DYNC2H1: variants seen among roughly 807,000 people sequenced by gnomAD.
DYNC2H1 encodes dynein cytoplasmic 2 heavy chain 1, also known as cytoplasmic dynein 2 heavy chain 1.
Under a neutral mutation model 570.0 loss-of-function variants are expected in DYNC2H1, and 410 were observed. That is an observed-to-expected ratio of 0.72 (90% CI 0.66 to 0.78). The LOEUF (loss-of-function observed/expected upper bound fraction) is 0.78, where lower values mean the gene tolerates loss of function less well. DYNC2H1 is among the 30% of genes least tolerant of loss of function. DYNC2H1 has a pLI of 0.00. For missense variants in DYNC2H1, 4,865 were observed against 5,046.4 expected, an observed-to-expected ratio of 0.96 and a Z score of 1.09; for synonymous variants, 1,688 against 1,677.6, an observed-to-expected ratio of 1.01 and a Z score of -0.15.
intron 83 of DYNC2H1, among the ~76,000 whole-genome samples, chr11:103,389,080 C>T (rs2135599850): frequency 6.6e-6 from 1 of 152,274 alleles, no homozygotes; most frequent in Middle Eastern, 3.4e-3. Flanking sequence ...AGGAATGGTA[C>T]CAGCTCCTCC....
chr11:103,125,165 C>G lies in DYNC2H1; in HGVS notation c.1727C>G (p.Ser576Ter). 1.2e-6 allele frequency: 2 copies of G among 1,613,586 alleles called. No individual in the cohort carries two copies. The highest frequency in any genetic ancestry group is 1.7e-6 in the Non-Finnish European group (2 of 1,179,738). Residue 576 changes from serine (S) to a stop codon, truncating the protein, a stop_gained, in exon 12 of 89, where the codon TCA (serine) becomes TGA (stop). Coordinates refer to ENST00000375735, the MANE Select transcript of DYNC2H1 (RefSeq NM_001377.3). LOFTEE classifies it high-confidence loss of function. ...GATGGATTACTAAAAGTGCATTATTCAGATCGTTTGGTGATTCTTCTGAGA... is the reference window on the plus strand; with the variant it reads ...GATGGATTACTAAAAGTGCATTATTGAGATCGTTTGGTGATTCTTCTGAGA... The part of the protein sequence containing the change: ...SNDGLLKVHY[S>*]DRLVILLREV...
intron 84 of DYNC2H1, among the ~76,000 whole-genome samples, chr11:103,422,957 G>A (rs1357080631): frequency 2.1e-5 from 3 of 142,062 alleles, no homozygotes; most frequent in African/African-American, 8.2e-5. Context: ...CAACCCAAAA[G>A]CTAGGAATAC....
chr11:103,243,853 G>T lies in DYNC2H1; in HGVS notation c.9918+62G>T. 7.6e-7 allele frequency: 1 copy of T among 1,308,886 alleles called. No homozygotes were observed. Among genetic ancestry groups the T allele is most frequent in the South Asian group, 1.5e-5 (1 of 68,728 alleles). The allele number at this position is 1,308,886 out of a possible 1,614,324, so 81.1% of individuals were successfully genotyped here. A position where few individuals can be genotyped will look rare whatever the true frequency, so the allele number is the denominator to read the frequency against. On this transcript the variant is annotated intron_variant, in intron 64 of 88. Coordinates refer to ENST00000375735, the MANE Select transcript of DYNC2H1 (RefSeq NM_001377.3). This position sits in a 1 kb window ranked among gnomAD's most constrained non-coding sequence, Gnocchi z 4.8. ...TGACCTCTTATAGTGAAAAGATCTT[G>T]GAGTCTATAATCAGAAAACATAGAT...
At chr11:103,263,052 G>A (rs1201295995) in intron 70 of DYNC2H1, among the ~76,000 whole-genome samples, 9 of 147,372 alleles carry the variant, frequency 6.1e-5, no homozygotes, top group Non-Finnish European at 1.3e-4. Flanking sequence ...AAAAAGCAGG[G>A]TTTGCAATCC....
In DYNC2H1 at chr11:103,241,177, A is replaced by G. The variant is rs1392248268; in HGVS notation, c.9820-2516A>G. On this transcript the variant is annotated intron_variant, in intron 63 of 88. Transcript: ENST00000375735. The surrounding 1 kb of genome is among the most constrained non-coding windows in gnomAD (Gnocchi z 5.1). The stretch of plus-strand genomic sequence containing the variant: ...ATGAAATTTTTATTTTTGCATCTTT[A>G]TTGCCTGTAAAGTTATTGAGGTTAA... Among the ~76,000 whole-genome samples the G allele has an allele frequency of 1.3e-5, 2 of 152,084 alleles. No individual in the cohort carries two copies. The highest frequency in any genetic ancestry group is 4.8e-5 in the African/African-American group (2 of 41,428).
chr11:103,306,066 C>G (rs896614978), intron 77 of DYNC2H1, among the ~76,000 whole-genome samples: 4 of 152,156 alleles, frequency 2.6e-5, no homozygotes, highest in South Asian at 4.2e-4. Flanking sequence ...CATGCATCAC[C>G]ATGCCTGGCT....
In DYNC2H1 at chr11:103,311,916, T is replaced by A; in HGVS notation, c.11532T>A (p.Tyr3844Ter). 1 of 1,613,030 alleles carries A rather than the reference T, an allele frequency of 6.2e-7. No individual in the cohort carries two copies. The highest frequency in any genetic ancestry group is 8.5e-7 in the Non-Finnish European group (1 of 1,179,554). The change falls in exon 79 of 89, where the codon TAT (tyrosine) becomes TAA (stop). Residue 3844 changes from tyrosine to a stop codon, truncating the protein, a stop_gained. Coordinates refer to ENST00000375735, the MANE Select transcript of DYNC2H1 (RefSeq NM_001377.3). LOFTEE classifies it high-confidence loss of function. ...TAAAGAAGAATTTAATGCGTACTTA[T>A]GAGTCTTGGACTCCTGAGCAAATTA... ...PGLKKNLMRT[Y>*]ESWTPEQISK...
Position 103,243,877 on chromosome 11 carries a change from A to T in DYNC2H1, c.9918+86A>T. 2 of 1,041,280 alleles carry T rather than the reference A, an allele frequency of 1.9e-6. No individual in the cohort carries two copies. Among genetic ancestry groups the T allele is most frequent in the Non-Finnish European group, 2.8e-6 (2 of 719,314 alleles). The allele number at this position is 1,041,280 out of a possible 1,614,324, so 64.5% of individuals were successfully genotyped here. On this transcript the variant is annotated intron_variant, in intron 64 of 88. Coordinates refer to ENST00000375735, the MANE Select transcript of DYNC2H1 (RefSeq NM_001377.3). This position sits in a 1 kb window ranked among gnomAD's most constrained non-coding sequence, Gnocchi z 4.8. ...TGGAGTCTATAATCAGAAAACATAG[A>T]TTCAACACTGGGTCCTACTGTATGG... is the stretch of plus-strand genomic sequence containing the variant.
Position 103,303,747 on chromosome 11 carries a change from A to G in DYNC2H1, c.11256+494A>G, listed in dbSNP as rs553357614. Among the ~76,000 whole-genome samples the G allele has an allele frequency of 5.9e-4, 90 of 152,216 alleles. 1 individual carries two copies. Among genetic ancestry groups the G allele is most frequent in the African/African-American group, 1.9e-3 (81 of 41,552 alleles). On this transcript the variant is annotated intron_variant, in intron 76 of 88. Transcript: ENST00000375735. The stretch of plus-strand genomic sequence containing the variant: ...CTTTGTTTTCAAACTCAGACCCTTG[A>G]TTTTAGACCAGTGAAACTTCTGGCC...
chr11:103,174,487 TA>T (rs1483480793), intron 36 of DYNC2H1, among the ~76,000 whole-genome samples: 1 of 152,194 alleles, frequency 6.6e-6, no homozygotes, highest in African/African-American at 2.4e-5. Context: ...ACTTGTTCTT[TA>T]ACTTCAATGT....
chr11:103,199,583 C>G lies in DYNC2H1; in HGVS notation c.8088+107C>G. 4 of 1,106,512 alleles carry G rather than the reference C, an allele frequency of 3.6e-6. No individual in the cohort carries two copies. Among genetic ancestry groups the G allele is most frequent in the Non-Finnish European group, 4.8e-6 (4 of 836,022 alleles). 68.5% of individuals were successfully genotyped at this position (1,106,512 alleles called of 1,614,324 possible). ...TTTAAAGAACTAAAGTTTTAAAGAA[C>G]ATCTTTAAAGAACTAAAGTTCTCTG... On this transcript the variant is annotated intron_variant, in intron 49 of 88. Coordinates refer to ENST00000375735, the MANE Select transcript of DYNC2H1 (RefSeq NM_001377.3). This position sits in a 1 kb window ranked among gnomAD's most constrained non-coding sequence, Gnocchi z 4.6.
chr11:103,208,613 G>GT (rs879571023), intron 52 of DYNC2H1, among the ~76,000 whole-genome samples: 6 of 152,018 alleles, frequency 3.9e-5, no homozygotes, highest in Non-Finnish European at 8.8e-5. Context: ...GAGGGGAAGT[G>GT]TTTAAGTGCC....
chr11:103,266,505 G>A (rs539469820), intron 70 of DYNC2H1, among the ~76,000 whole-genome samples: 6 of 152,264 alleles, frequency 3.9e-5, no homozygotes, highest in African/African-American at 1.4e-4. Flanking sequence ...AGCCACTAGC[G>A]GGGGTGGGGC....
At position 103,326,639 on chromosome 11, in the gene DYNC2H1, G is replaced by C. The variant is rs952659084; in HGVS notation, c.12039+2649G>C. On this transcript the variant is annotated intron_variant, in intron 82 of 88. Transcript: ENST00000375735. The surrounding 1 kb of genome is among the most constrained non-coding windows in gnomAD (Gnocchi z 6.1). ...ATCTGAAGTGCCCCTAGGTTACTTG[G>C]AAAATACTCAGATAGTGCGGAGCAC... 1.3e-5 allele frequency among the ~76,000 whole-genome samples: 2 copies of C among 152,216 alleles called. No individual in the cohort carries two copies. Among genetic ancestry groups the C allele is most frequent in the African/African-American group, 4.8e-5 (2 of 41,454 alleles).
chr11:103,463,879 C>T (rs556350534), intron 87 of DYNC2H1, among the ~76,000 whole-genome samples: 110 of 152,258 alleles, frequency 7.2e-4, no homozygotes, highest in African/African-American at 2.6e-3. Flanking sequence ...TGCTGAATCT[C>T]ACTACCTATC....
At chr11:103,377,022 T>C (rs1941420683) in intron 83 of DYNC2H1, among the ~76,000 whole-genome samples, 1 of 152,228 alleles carries the variant, frequency 6.6e-6, no homozygotes. Context: ...ATATGTGACT[T>C]CACATTTTTC....
intron 87 of DYNC2H1, among the ~76,000 whole-genome samples, chr11:103,464,854 A>G (rs1221239391): frequency 6.6e-6 from 1 of 152,214 alleles, no homozygotes; most frequent in African/African-American, 2.4e-5. Flanking sequence ...AGTAATGAAC[A>G]CCTAAAACAA....
At chr11:103,337,103 A>G (rs907565927) in intron 82 of DYNC2H1, among the ~76,000 whole-genome samples, 5 of 152,208 alleles carry the variant, frequency 3.3e-5, no homozygotes, top group Non-Finnish European at 7.3e-5. Flanking sequence ...TGAGCCACAA[A>G]CAATAGCGTG....
rs1232195336 is a variant in DYNC2H1, at chr11:103,153,241, AG to A, written c.3097-61del. On this transcript the variant is annotated intron_variant, in intron 21 of 88. Transcript: ENST00000375735. ...TTAAATAGAAAATATTAGAAAGAAA[AG>A]TATGAACCCAAAATGAAATTTTACT... is the stretch of plus-strand genomic sequence containing the variant. 5.1e-6 allele frequency: 7 copies of A among 1,379,562 alleles called. No homozygotes were observed. The African/African-American group carries it at 7.6e-5, about 15-fold the overall frequency. 85.5% of individuals were successfully genotyped at this position (1,379,562 alleles called of 1,614,324 possible). A position where few individuals can be genotyped will look rare whatever the true frequency, so the allele number is the denominator to read the frequency against.
Sources: gnomAD v4.1 joint callset for allele counts (sites outside exome capture counted in the v4.1 genomes callset) on GRCh38, gnomAD v4.1.1 for gene constraint, Gnocchi (gnomAD v3.1) non-coding constraint, MANE v1.5 for transcripts, NCBI Gene and HGNC (gene_info 2026-07-23, HGNC 2026-07-21) for gene names.